The following AGBL4 variants were observed in gnomAD, a reference collection of about 807,000 sequenced individuals.
AGBL4 encodes the protein AGBL carboxypeptidase 4.
In AGBL4, 58 loss-of-function variants were observed where a neutral mutation model predicts 66.4. That is an observed-to-expected ratio of 0.87 (90% CI 0.71 to 1.09). AGBL4 has a LOEUF of 1.09. Ranked by LOEUF, AGBL4 falls within the 50% of genes least tolerant of loss-of-function variation. AGBL4 has a pLI of 0.00. For missense variants in AGBL4, 579 were observed against 631.0 expected (o/e 0.92, Z 0.88); for synonymous variants, 234 against 222.9 (o/e 1.05, Z -0.44).
At chr1:48,734,105 A>T (rs902135971) in intron 6 of AGBL4, among the ~76,000 whole-genome samples, 1 of 152,188 alleles carries the variant, frequency 6.6e-6, no homozygotes, top group Non-Finnish European at 1.5e-5. Flanking sequence ...TGACCTCCCA[A>T]ATCAGGCTTT....
chr1:49,692,202 T>G (rs1646901904), intron 3 of AGBL4, among the ~76,000 whole-genome samples: 1 of 152,204 alleles, frequency 6.6e-6, no homozygotes, highest in South Asian at 2.1e-4. Context: ...TTAGTATTAT[T>G]ACTTTCATTT....
At chr1:48,649,018 T>C (rs527979402) in intron 8 of AGBL4, among the ~76,000 whole-genome samples, 1 of 152,344 alleles carries the variant, frequency 6.6e-6, no homozygotes, top group South Asian at 2.1e-4. Flanking sequence ...TTGTTCATTC[T>C]GGAAACATGT....
At chr1:49,948,458 T>TATATAA (rs1557609765) in intron 1 of AGBL4, among the ~76,000 whole-genome samples, 14 of 52,852 alleles carry the variant, frequency 2.6e-4, no homozygotes, top group Admixed American at 1.6e-3. Flanking sequence ...TATATAAATA[T>TATATAA]AGATAAATAT....
rs1239179023 is a variant in AGBL4 at position 49,546,002 on chromosome 1, A to T, written c.282+151311T>A. Among the ~76,000 whole-genome samples, 5 of 152,158 alleles carry T rather than the reference A, an allele frequency of 3.3e-5. No individual in the cohort carries two copies. In the South Asian group the frequency reaches 8.3e-4, roughly 25 times the overall value. On this transcript the variant is annotated intron_variant, in intron 3 of 13. Transcript: ENST00000371839. ...TCACCCGAGCAGTATACAATGCACCATATTTGTAGTCTCTTATCCCTTGCC... is the reference window on the plus strand; with the variant it reads ...TCACCCGAGCAGTATACAATGCACCTTATTTGTAGTCTCTTATCCCTTGCC...
Position 49,983,487 on chromosome 1 carries a change from A to T in AGBL4, c.34+40276T>A, listed in dbSNP as rs760382269. Among the ~76,000 whole-genome samples, 6 of 152,200 alleles carry T rather than the reference A, an allele frequency of 3.9e-5. No homozygotes were observed. The East Asian group carries it at 1.2e-3, about 29-fold the overall frequency. On this transcript the variant is annotated intron_variant, in intron 1 of 13. Coordinates refer to ENST00000371839, the MANE Select transcript of AGBL4 (RefSeq NM_032785.4). ...GCTCGCTGCTCTACTCACCTTTGGC[A>T]GGCATGGGATCCAGGCCAGTAGCAC... is the stretch of plus-strand genomic sequence containing the variant.
chr1:49,709,270 C>A (rs1647449567), intron 2 of AGBL4, among the ~76,000 whole-genome samples: 2 of 152,206 alleles, frequency 1.3e-5, no homozygotes, highest in African/African-American at 4.8e-5. Flanking sequence ...GAGGAGGAAT[C>A]TAGAGAGGCA....
intron 1 of AGBL4, among the ~76,000 whole-genome samples, chr1:49,913,560 G>A (rs997383963): frequency 1.3e-5 from 2 of 152,346 alleles, no homozygotes; most frequent in Admixed American, 6.5e-5. Flanking sequence ...TCTCATGCTT[G>A]AGTTGGATGC....
chr1:48,731,472 G>T (rs1220704737), intron 6 of AGBL4, among the ~76,000 whole-genome samples: 1 of 152,176 alleles, frequency 6.6e-6, no homozygotes, highest in Non-Finnish European at 1.5e-5. Context: ...CAAAGATACA[G>T]TAAGAAGAGA....
intron 1 of AGBL4, among the ~76,000 whole-genome samples, chr1:49,912,492 G>A (rs190057513): frequency 3.9e-5 from 6 of 152,270 alleles, no homozygotes; most frequent in Admixed American, 3.9e-4. Context: ...TATAAATTTA[G>A]CTCATTTAAT....
At chr1:48,703,582 T>G (rs1646836415) in intron 6 of AGBL4, among the ~76,000 whole-genome samples, 1 of 151,958 alleles carries the variant, frequency 6.6e-6, no homozygotes, top group African/African-American at 2.4e-5. Flanking sequence ...TCTACTTGAG[T>G]CAAAAGCCGA....
intron 5 of AGBL4, among the ~76,000 whole-genome samples, chr1:48,996,854 CCTGT>C (rs1173444007): frequency 6.6e-6 from 1 of 151,424 alleles, no homozygotes; most frequent in Non-Finnish European, 1.5e-5. Flanking sequence ...TTCCTTCCTT[CCTGT>C]CTACTTATCT....
chr1:49,858,658 A>G (rs1244912269), intron 1 of AGBL4, among the ~76,000 whole-genome samples: 1 of 152,190 alleles, frequency 6.6e-6, no homozygotes, highest in East Asian at 1.9e-4. Context: ...AAATAGTGAT[A>G]AAGGAGTCAG....
intron 3 of AGBL4, among the ~76,000 whole-genome samples, chr1:49,674,503 AATT>A: frequency 6.7e-6 from 1 of 148,154 alleles, no homozygotes; most frequent in East Asian, 2.0e-4. Context: ...ATAAATATAT[AATT>A]ATATTTATAT....
At chr1:48,767,592 CT>C (rs751684662) in intron 6 of AGBL4, among the ~76,000 whole-genome samples, 2 of 151,938 alleles carry the variant, frequency 1.3e-5, no homozygotes, top group Non-Finnish European at 2.9e-5. Flanking sequence ...ACAGTAAATA[CT>C]TTATGTGGCA....
chr1:48,950,391 C>CG (rs1656873887), intron 5 of AGBL4, among the ~76,000 whole-genome samples: 2 of 152,318 alleles, frequency 1.3e-5, no homozygotes, highest in Admixed American at 6.5e-5. Context: ...AGCCACCGCA[C>CG]CTGGCCGACC....
intron 3 of AGBL4, among the ~76,000 whole-genome samples, chr1:49,629,354 A>G (rs1177596614): frequency 1.3e-5 from 2 of 152,148 alleles, no homozygotes; most frequent in Non-Finnish European, 2.9e-5. Context: ...ATATGATTTT[A>G]TTTTTTATTT....
At chr1:49,027,593 G>A (rs1171341760) in intron 5 of AGBL4, among the ~76,000 whole-genome samples, 1 of 152,054 alleles carries the variant, frequency 6.6e-6, no homozygotes, top group Non-Finnish European at 1.5e-5. Context: ...AAGAATATTA[G>A]TTCCCTCTCT....
chr1:49,420,725 T>C (rs542147781), intron 3 of AGBL4, among the ~76,000 whole-genome samples: 2 of 151,864 alleles, frequency 1.3e-5, no homozygotes, highest in South Asian at 2.1e-4. Flanking sequence ...AAGTGCTCTG[T>C]ATTTATTTGT....
chr1:49,001,534 G>C (rs1376086840), intron 5 of AGBL4, among the ~76,000 whole-genome samples: 1 of 152,070 alleles, frequency 6.6e-6, no homozygotes, highest in African/African-American at 2.4e-5. Flanking sequence ...CATCACTATG[G>C]GTAACATCAC....
Sources: allele counts gnomAD v4.1 joint callset (sites outside exome capture counted in the v4.1 genomes callset), GRCh38; gene constraint gnomAD v4.1.1; transcripts MANE v1.5; gene names NCBI Gene and HGNC (gene_info 2026-07-23, HGNC 2026-07-21).